Variants in CYYR1 observed in about 807,000 individuals in gnomAD.
CYYR1 encodes cysteine and tyrosine-rich protein 1.
Under a neutral mutation model 15.2 loss-of-function variants are expected in CYYR1, and 14 were observed. The ratio of observed to expected loss-of-function variants is 0.92; its 90% CI spans 0.61 to 1.44. The LOEUF (loss-of-function observed/expected upper bound fraction) is 1.44, where lower values mean the gene tolerates loss of function less well. Among genes scored for constraint, CYYR1 ranks in the 40% most tolerant of loss-of-function variants. CYYR1 has a pLI of 0.00. For synonymous variants in CYYR1, 80 were observed against 77.4 expected (o/e 1.03, Z -0.18); for missense variants, 228 against 209.5 (o/e 1.09, Z -0.54).
At chr21:26,540,193 C>T (rs988254170) in intron 2 of CYYR1, among the ~76,000 whole-genome samples, 8 of 152,246 alleles carry the variant, frequency 5.3e-5, no homozygotes, top group East Asian at 1.9e-4. Context: ...AACCCTACCA[C>T]GGATCACAAC....
intron 2 of CYYR1, among the ~76,000 whole-genome samples, chr21:26,501,713 T>C (rs546253893): frequency 1.3e-5 from 2 of 152,198 alleles, no homozygotes; most frequent in Non-Finnish European, 2.9e-5. Context: ...TCATTTTATG[T>C]TATCTCGATG....
At chr21:26,481,910 A>G (rs1029134430) in intron 2 of CYYR1, among the ~76,000 whole-genome samples, 13 of 152,066 alleles carry the variant, frequency 8.5e-5, no homozygotes, top group Admixed American at 6.6e-5. Flanking sequence ...CTGCATTTCT[A>G]TGTATCAAGT....
chr21:26,527,315 G>C (rs1358423103), intron 2 of CYYR1, among the ~76,000 whole-genome samples: 1 of 152,138 alleles, frequency 6.6e-6, no homozygotes, highest in African/African-American at 2.4e-5. Context: ...AATTTCTCAA[G>C]TATTATGGCC....
At chr21:26,496,344 T>C (rs17002220) in intron 2 of CYYR1, among the ~76,000 whole-genome samples, 2,531 of 152,266 alleles carry the variant, frequency 0.017, 75 homozygotes, top group African/African-American at 0.058. Context: ...GATTCAGATA[T>C]GTGGAACTGG....
rs1213044303 is a variant in CYYR1 at position 26,468,259 on chromosome 21, T to TTAGGTG, written c.*236_*241dup. ...TTACATTACTCTTCCCTGAATGTGCTTAGGTGGATCAGCAGATCTCTTAAA... is the reference window on the plus strand; with the variant it reads ...TTACATTACTCTTCCCTGAATGTGCTTAGGTGTAGGTGGATCAGCAGATCTCTTAAA... On this transcript the variant is annotated 3_prime_UTR_variant, in exon 4 of 4. Transcript: ENST00000652641. The TTAGGTG allele has an allele frequency of 5.7e-6, 3 of 525,572 alleles. No homozygotes were observed. The highest frequency in any genetic ancestry group is 1.0e-5 in the Non-Finnish European group (3 of 289,018). The allele number at this position is 525,572 out of a possible 1,614,324, so 32.6% of individuals were successfully genotyped here. A position where few individuals can be genotyped will look rare whatever the true frequency, so the allele number is the denominator to read the frequency against.
At chr21:26,553,926 A>AGTGAG (rs1405203341) in intron 2 of CYYR1, among the ~76,000 whole-genome samples, 1 of 152,192 alleles carries the variant, frequency 6.6e-6, no homozygotes, top group African/African-American at 2.4e-5. Context: ...GCTGATCCTC[A>AGTGAG]CTATGATCAA....
chr21:26,518,051 A>G (rs2065756295), intron 2 of CYYR1, among the ~76,000 whole-genome samples: 1 of 152,206 alleles, frequency 6.6e-6, no homozygotes, highest in Non-Finnish European at 1.5e-5. Context: ...TTGACTGAAC[A>G]CAGCCATGTT....
intron 3 of CYYR1, among the ~76,000 whole-genome samples, chr21:26,476,585 CATCTATCTATCTATCTATCTATCTATCT>C (rs11450529): frequency 1.7e-4 from 24 of 143,844 alleles, no homozygotes; most frequent in Admixed American, 4.1e-4. Context: ...CCCTATCTAT[CATCTATCTATCTATCTATCTATCTATCT>C]ATCTATCTAT....
intron 2 of CYYR1, among the ~76,000 whole-genome samples, chr21:26,493,717 C>T (rs1300735831): frequency 6.6e-6 from 1 of 152,030 alleles, no homozygotes; most frequent in Non-Finnish European, 1.5e-5. Flanking sequence ...GTTTCTGACA[C>T]CTTGTAGGAA....
intron 2 of CYYR1, among the ~76,000 whole-genome samples, chr21:26,486,045 G>C (rs1474562672): frequency 6.6e-6 from 1 of 152,004 alleles, no homozygotes; most frequent in Non-Finnish European, 1.5e-5. Context: ...TAGCAAGGTT[G>C]AACATGTTTT....
chr21:26,549,589 T>C (rs1979230989), intron 2 of CYYR1, among the ~76,000 whole-genome samples: 2 of 152,172 alleles, frequency 1.3e-5, no homozygotes, highest in Non-Finnish European at 2.9e-5. Context: ...ACATTCTGTA[T>C]GCTGTATGTT....
chr21:26,499,390 G>A (rs2065449882), intron 2 of CYYR1, among the ~76,000 whole-genome samples: 1 of 152,210 alleles, frequency 6.6e-6, no homozygotes, highest in Non-Finnish European at 1.5e-5. Flanking sequence ...AGGTAAGGAA[G>A]GTTTTTCCTC....
intron 2 of CYYR1, among the ~76,000 whole-genome samples, chr21:26,508,902 C>G (rs17619458): frequency 6.6e-6 from 1 of 152,102 alleles, no homozygotes; most frequent in Admixed American, 6.6e-5. Flanking sequence ...ACTAAGACCA[C>G]GAGCATTGGT....
chr21:26,511,154 T>C (rs2065642800), intron 2 of CYYR1, among the ~76,000 whole-genome samples: 1 of 152,222 alleles, frequency 6.6e-6, no homozygotes, highest in African/African-American at 2.4e-5. Flanking sequence ...GTATTTCACA[T>C]AGTAAACAGA....
At chr21:26,470,184 T>C (rs2065017370) in intron 3 of CYYR1, among the ~76,000 whole-genome samples, 1 of 152,132 alleles carries the variant, frequency 6.6e-6, no homozygotes, top group Non-Finnish European at 1.5e-5. Context: ...TTCTATTAGG[T>C]TGATGCAAAA....
rs905864975 is a variant in CYYR1, at chr21:26,529,043, C to A, written c.176+37223G>T. 1.3e-5 allele frequency among the ~76,000 whole-genome samples: 2 copies of A among 152,178 alleles called. 1 individual carries two copies. Among genetic ancestry groups the A allele is most frequent in the African/African-American group, 4.8e-5 (2 of 41,450 alleles). On this transcript the variant is annotated intron_variant, in intron 2 of 3. Coordinates refer to ENST00000652641, the MANE Select transcript of CYYR1 (RefSeq NM_001320768.2). ...AGATTAAAATAATTACTCAGTTTTTCCTTGTGATGACTCTTACACTGATAC... is the reference window on the plus strand; with the variant it reads ...AGATTAAAATAATTACTCAGTTTTTACTTGTGATGACTCTTACACTGATAC...
intron 2 of CYYR1, among the ~76,000 whole-genome samples, chr21:26,508,246 G>T (rs1284854402): frequency 6.6e-6 from 1 of 152,136 alleles, no homozygotes; most frequent in East Asian, 1.9e-4. Flanking sequence ...AGCAAGAGTT[G>T]CTCCTAAAAA....
At chr21:26,558,323 T>A (rs1979947712) in intron 2 of CYYR1, among the ~76,000 whole-genome samples, 1 of 152,210 alleles carries the variant, frequency 6.6e-6, no homozygotes, top group African/African-American at 2.4e-5. Context: ...TTATTACATG[T>A]TAATAATTAT....
intron 2 of CYYR1, among the ~76,000 whole-genome samples, chr21:26,533,610 T>G (rs994501072): frequency 1.3e-5 from 2 of 152,246 alleles, no homozygotes; most frequent in East Asian, 1.9e-4. Context: ...CGAATTCAAA[T>G]GCTAATCTCT....
Sources: gnomAD v4.1 joint callset for allele counts (sites outside exome capture counted in the v4.1 genomes callset) on GRCh38, gnomAD v4.1.1 for gene constraint, MANE v1.5 for transcripts, NCBI Gene and HGNC (gene_info 2026-07-23, HGNC 2026-07-21) for gene names.